DNAI2: variants seen among roughly 807,000 people sequenced by gnomAD.
DNAI2 encodes dynein axonemal intermediate chain 2, also known as dynein, axonemal, intermediate polypeptide 2.
Under a neutral mutation model 74.7 loss-of-function variants are expected in DNAI2, and 63 were observed. The observed-to-expected ratio is 0.84, with a 90% CI of 0.69 to 1.04. DNAI2 has a LOEUF of 1.04. DNAI2 is among the 50% of genes least tolerant of loss of function. The pLI is 0.00. For synonymous variants in DNAI2, 289 were observed against 314.9 expected (o/e 0.92, Z 0.87); for missense variants, 688 against 803.2 (o/e 0.86, Z 1.73).
chr17:74,307,902 A>C (rs1326027107), intron 9 of DNAI2, among the ~76,000 whole-genome samples: 3 of 151,724 alleles, frequency 2.0e-5, no homozygotes, highest in Admixed American at 1.3e-4. Context: ...GGTTCAAGCA[A>C]TTCTTCTGCC....
intron 12 of DNAI2, among the ~76,000 whole-genome samples, chr17:74,312,664 G>C (rs1279415331): frequency 6.6e-6 from 1 of 152,200 alleles, no homozygotes; most frequent in Non-Finnish European, 1.5e-5. Context: ...CCCAGGTTTG[G>C]TGTCAGGAGT....
intron 9 of DNAI2, 53 bp downstream of exon 9, chr17:74,305,495 A>C: frequency 6.4e-7 from 1 of 1,565,964 alleles, no homozygotes; most frequent in Non-Finnish European, 8.8e-7. Context: ...GAGGGGATGG[A>C]GGGAGCCCAG....
rs1598330492 is a variant in DNAI2 at position 74,305,363 on chromosome 17, A to T, written c.1132A>T (p.Lys378Ter). Reference protein sequence around the residue: ...YALQRNPFYPKNFLTVGDWTA... With the variant: ...YALQRNPFYP ...CCTCCAGAGAAACCCCTTCTACCCG[A>T]AGAACTTCCTGACGGTTGGCGACTG... The change falls in exon 9 of 14, where the codon AAG becomes TAG. Residue 378 changes from lysine (K) to a stop codon, truncating the protein, a stop_gained. Transcript: ENST00000311014. LOFTEE classifies it high-confidence loss of function. 1.2e-6 allele frequency: 2 copies of T among 1,614,148 alleles called. No individual in the cohort carries two copies. The highest frequency in any genetic ancestry group is 1.7e-6 in the Non-Finnish European group (2 of 1,180,034).
At chr17:74,310,923 G>A (rs971175122) in intron 11 of DNAI2, among the ~76,000 whole-genome samples, 2 of 152,076 alleles carry the variant, frequency 1.3e-5, no homozygotes, top group Non-Finnish European at 2.9e-5. Context: ...TGCCCAGGCT[G>A]GAGTGCAGTG....
chr17:74,301,349 A>G (rs1011468669), intron 8 of DNAI2, among the ~76,000 whole-genome samples, 181 bp downstream of exon 8: 1 of 152,224 alleles, frequency 6.6e-6, no homozygotes, highest in Admixed American at 6.5e-5. Context: ...AGGGGGCAGC[A>G]GAGCTTCTCG....
At chr17:74,312,257 G>A in intron 12 of DNAI2, 27 bp downstream of exon 12, 1 of 550,146 alleles carries the variant, frequency 1.8e-6, no homozygotes, top group Non-Finnish European at 3.6e-6. Context: ...GGGTTGGGTG[G>A]GTTGGGGACT....
intron 8 of DNAI2, among the ~76,000 whole-genome samples, chr17:74,304,263 C>T (rs915731974): frequency 2.5e-5 from 3 of 122,396 alleles, no homozygotes; most frequent in Non-Finnish European, 3.2e-5. Context: ...GGCATGATCT[C>T]GGCTCACTGC....
intron 8 of DNAI2, among the ~76,000 whole-genome samples, chr17:74,301,621 T>C (rs1052155788): frequency 6.7e-6 from 1 of 150,298 alleles, no homozygotes; most frequent in African/African-American, 2.5e-5. Context: ...AGCAGGCTCC[T>C]TGGAAAACCA....
chr17:74,309,417 C>T, intron 10 of DNAI2, 29 bp downstream of exon 10: 1 of 1,613,970 alleles, frequency 6.2e-7, no homozygotes, highest in South Asian at 1.1e-5. Flanking sequence ...CTTGTGCATC[C>T]AGGTCCTCAG....
chr17:74,299,074 G>C (rs150723882), intron 6 of DNAI2, among the ~76,000 whole-genome samples: 1 of 152,266 alleles, frequency 6.6e-6, no homozygotes, highest in African/African-American at 2.4e-5. Flanking sequence ...CTGAGTGACA[G>C]GGTGAGCCCT....
chr17:74,281,626 G>A, intron 1 of DNAI2, 181 bp from the exon 2 acceptor site: 1 of 626,978 alleles, frequency 1.6e-6, no homozygotes. Flanking sequence ...GCATATAGTC[G>A]GCACTCAGGA....
At chr17:74,289,449 C>G in intron 4 of DNAI2, 145 bp from the exon 5 acceptor site, 1 of 1,016,278 alleles carries the variant, frequency 9.8e-7, no homozygotes, top group African/African-American at 1.6e-5. Flanking sequence ...ATTGTTTGAA[C>G]CCAGGAGGCA....
At chr17:74,275,145 C>T (rs977390012) in intron 1 of DNAI2, among the ~76,000 whole-genome samples, 1 of 152,194 alleles carries the variant, frequency 6.6e-6, no homozygotes, top group Non-Finnish European at 1.5e-5. Context: ...CTTCTATGTG[C>T]CAGTCCCTGG....
chr17:74,311,978 GCT>G (rs554045040), intron 11 of DNAI2, 23 bp from the exon 12 acceptor site: 4 of 1,609,840 alleles, frequency 2.5e-6, no homozygotes, highest in Non-Finnish European at 3.4e-6. Flanking sequence ...TCCCCACCGG[GCT>G]CTCTCTGTCC....
At chr17:74,306,860 C>T (rs1234333323) in intron 9 of DNAI2, among the ~76,000 whole-genome samples, 5 of 152,220 alleles carry the variant, frequency 3.3e-5, no homozygotes, top group African/African-American at 7.2e-5. Context: ...TCAGGTGATT[C>T]GCCTGCCTCA....
chr17:74,289,234 A>G (rs1323534658), intron 4 of DNAI2, among the ~76,000 whole-genome samples: 2 of 152,182 alleles, frequency 1.3e-5, no homozygotes, highest in African/African-American at 4.8e-5. Flanking sequence ...TGCATTAGAA[A>G]TCATCCGAGG....
chr17:74,275,582 C>T (rs1030907799), intron 1 of DNAI2, among the ~76,000 whole-genome samples: 1 of 152,108 alleles, frequency 6.6e-6, no homozygotes, highest in African/African-American at 2.4e-5. Flanking sequence ...AAAATTCTGG[C>T]CGGGTGCAGT....
chr17:74,288,628 GCA>G (rs1374823035), intron 4 of DNAI2, among the ~76,000 whole-genome samples: 1 of 152,126 alleles, frequency 6.6e-6, no homozygotes. Context: ...CCATCCCAGA[GCA>G]CCTTTGTAGG....
intron 10 of DNAI2, 176 bp from the exon 11 acceptor site, chr17:74,309,841 G>C: frequency 1.2e-6 from 1 of 800,072 alleles, no homozygotes; most frequent in South Asian, 1.6e-5. Flanking sequence ...ATGAGGCAGG[G>C]AAGCCAGGAG....
Sources: gnomAD v4.1 joint callset for allele counts (sites outside exome capture counted in the v4.1 genomes callset) on GRCh38, gnomAD v4.1.1 for gene constraint, MANE v1.5 for transcripts, NCBI Gene and HGNC (gene_info 2026-07-23, HGNC 2026-07-21) for gene names.